The following CCDC158 variants were observed in gnomAD, a reference collection of about 807,000 sequenced individuals.
CCDC158 encodes coiled-coil domain containing 158.
In CCDC158, 116 loss-of-function variants were observed where a neutral mutation model predicts 138.6. The ratio of observed to expected loss-of-function variants is 0.84; its 90% CI spans 0.72 to 0.98. The LOEUF (loss-of-function observed/expected upper bound fraction) is 0.98. Ranked by LOEUF, CCDC158 falls within the 50% of genes least tolerant of loss-of-function variation. CCDC158 has a pLI of 0.00. For missense variants in CCDC158, 1,265 were observed against 1,306.1 expected (o/e 0.97, Z 0.48); for synonymous variants, 436 against 442.4 (o/e 0.99, Z 0.18).
At chr4:76,389,040 A>G (rs550435805) in intron 4 of CCDC158, among the ~76,000 whole-genome samples, 3 of 152,240 alleles carry the variant, frequency 2.0e-5, no homozygotes, top group South Asian at 2.1e-4. Flanking sequence ...ACTAACTTCA[A>G]TGCCCAGACA....
chr4:76,403,730 C>T (rs1472378235), intron 2 of CCDC158, among the ~76,000 whole-genome samples: 1 of 152,170 alleles, frequency 6.6e-6, no homozygotes, highest in Non-Finnish European at 1.5e-5. Flanking sequence ...TTCAAATCTT[C>T]CTCACATCTT....
intron 18 of CCDC158, among the ~76,000 whole-genome samples, chr4:76,340,608 AGAT>A (rs1181084961): frequency 6.6e-6 from 1 of 152,128 alleles, no homozygotes; most frequent in Non-Finnish European, 1.5e-5. Flanking sequence ...GACAGCAACC[AGAT>A]GAGATTAGGG....
chr4:76,362,877 T>C (rs532141645), intron 12 of CCDC158, among the ~76,000 whole-genome samples: 1 of 152,120 alleles, frequency 6.6e-6, no homozygotes, highest in East Asian at 1.9e-4. Flanking sequence ...GTAAGAGAAG[T>C]GGCAAGAATA....
intron 13 of CCDC158, among the ~76,000 whole-genome samples, chr4:76,361,518 C>T (rs60440358): frequency 0.029 from 4,375 of 152,176 alleles, 195 homozygotes; most frequent in African/African-American, 0.097. Flanking sequence ...GCTGAGATCA[C>T]GCCACTGCAC....
chr4:76,380,656 GA>G (rs1464522775), intron 8 of CCDC158, among the ~76,000 whole-genome samples: 1 of 152,182 alleles, frequency 6.6e-6, no homozygotes, highest in Non-Finnish European at 1.5e-5. Flanking sequence ...TGGTAGAAAA[GA>G]AAAACCCATT....
chr4:76,351,112 C>G lies in CCDC158; in HGVS notation c.2548G>C (p.Gly850Arg). The G allele has an allele frequency of 6.2e-7, 1 of 1,611,378 alleles. No individual in the cohort carries two copies. The highest frequency in any genetic ancestry group is 1.1e-5 in the South Asian group (1 of 90,738). Residue 850 changes from glycine to arginine, a missense_variant, in exon 18 of 25, where the codon GGC (glycine) becomes CGC (arginine). Physicochemically the swap from Gly to Arg is moderately radical, Grantham distance 125 (BLOSUM62 -2). Transcript: ENST00000682701. ...GAAGAATTTGAGGTGTATCCAGGGC[C>G]CTGAAGTTCCTGGAAAACAATATAG... is the stretch of plus-strand genomic sequence containing the variant. ...QHTLDIKELQGPGYTSNSSLK... is the reference protein window; with the variant it reads ...QHTLDIKELQRPGYTSNSSLK...
rs149532091 is a variant in CCDC158, at chr4:76,339,772, G to A, written c.2665-5605C>T. On this transcript the variant is annotated intron_variant, in intron 18 of 24. Coordinates refer to ENST00000682701, the MANE Select transcript of CCDC158 (RefSeq NM_001394954.1). ...GAGTTTATGCACTGTGTCTTCCATA[G>A]AGAGATGCTGGCTAGCTGAAAAATG... Among the ~76,000 whole-genome samples the A allele has an allele frequency of 2.9e-3, 436 of 152,316 alleles. 2 individuals are homozygous for A. The highest frequency in any genetic ancestry group is 9.4e-3 in the African/African-American group (391 of 41,570).
chr4:76,415,345 G>A (rs1171487819), intron 1 of CCDC158, among the ~76,000 whole-genome samples: 1 of 152,076 alleles, frequency 6.6e-6, no homozygotes. Flanking sequence ...GGGAAGCAGA[G>A]CATAAAAGTT....
Position 76,331,326 on chromosome 4 carries a change from G to A in CCDC158, c.2942+18C>T, listed in dbSNP as rs557849729. 71 of 1,608,372 alleles carry A rather than the reference G, an allele frequency of 4.4e-5. No homozygotes were observed. In the South Asian group the frequency reaches 7.3e-4, roughly 16 times the overall value. ...TCGTAAAAGGGACATTTTGAAAATG[G>A]GGGCTGGTATTTCCTACCTACTAAG... On this transcript the variant is annotated intron_variant, in intron 21 of 24. Transcript: ENST00000682701.
chr4:76,321,857 C>T (rs1720047631), intron 24 of CCDC158, among the ~76,000 whole-genome samples: 1 of 149,876 alleles, frequency 6.7e-6, no homozygotes, highest in African/African-American at 2.4e-5. Context: ...GCATTTGTAG[C>T]AACCTGCATG....
At chr4:76,368,913 T>C (rs1214373478) in intron 11 of CCDC158, among the ~76,000 whole-genome samples, 1 of 152,158 alleles carries the variant, frequency 6.6e-6, no homozygotes, top group East Asian at 1.9e-4. Flanking sequence ...ACACATTTAG[T>C]TTAATTAGTG....
intron 1 of CCDC158, among the ~76,000 whole-genome samples, chr4:76,418,177 G>A (rs549790669): frequency 6.6e-6 from 1 of 152,298 alleles, no homozygotes; most frequent in South Asian, 2.1e-4. Flanking sequence ...AGAAGCTGGG[G>A]CTAGCTATAA....
At chr4:76,355,799 G>T (rs543311856) in intron 14 of CCDC158, among the ~76,000 whole-genome samples, 412 of 2,146 alleles carry the variant, frequency 0.19, 2 homozygotes, top group Admixed American at 0.38. Flanking sequence ...ATATATGTAC[G>T]TGTGTGTGTG....
chr4:76,327,715 C>T (rs978848573), intron 22 of CCDC158, among the ~76,000 whole-genome samples: 1 of 152,202 alleles, frequency 6.6e-6, no homozygotes, highest in Non-Finnish European at 1.5e-5. Flanking sequence ...CAGCACATGA[C>T]TGTATATTGA....
intron 9 of CCDC158, among the ~76,000 whole-genome samples, chr4:76,371,890 A>T (rs1323998973): frequency 6.6e-6 from 1 of 150,646 alleles, no homozygotes; most frequent in Non-Finnish European, 1.5e-5. Flanking sequence ...GTGAGTCAAG[A>T]TCGTGCCATT....
intron 22 of CCDC158, among the ~76,000 whole-genome samples, chr4:76,326,703 A>C (rs891997873): frequency 3.3e-5 from 5 of 152,222 alleles, no homozygotes; most frequent in African/African-American, 1.2e-4. Context: ...ACTTCTTAGT[A>C]GAAACAATGA....
intron 2 of CCDC158, among the ~76,000 whole-genome samples, chr4:76,408,487 T>G (rs1239009725): frequency 6.6e-6 from 1 of 152,186 alleles, no homozygotes; most frequent in East Asian, 1.9e-4. Flanking sequence ...GTTTCCAGCT[T>G]CATCCACGTC....
chr4:76,378,996 C>T (rs1214888259), intron 9 of CCDC158, among the ~76,000 whole-genome samples: 1 of 151,968 alleles, frequency 6.6e-6, no homozygotes, highest in African/African-American at 2.4e-5. Flanking sequence ...GAAGTATTTG[C>T]TAAAGTTTAG....
rs545225492 is a variant in CCDC158, at chr4:76,352,021, G to A, written c.2446-209C>T. On this transcript the variant is annotated intron_variant, in intron 16 of 24. Transcript: ENST00000682701. Reference sequence around the variant, plus strand: ...TATCCTCTATACCCCCAGCAAATACGTAACTTTTAGTATGTGAAGGGCAAA... The same window carrying A: ...TATCCTCTATACCCCCAGCAAATACATAACTTTTAGTATGTGAAGGGCAAA... 337 of 424,488 alleles carry A rather than the reference G, an allele frequency of 7.9e-4. 1 individual carries two copies. The highest frequency in any genetic ancestry group is 7.4e-3 in the Middle Eastern group (12 of 1,614). 26.3% of individuals were successfully genotyped at this position (424,488 alleles called of 1,614,324 possible).
Sources: allele counts gnomAD v4.1 joint callset (sites outside exome capture counted in the v4.1 genomes callset), GRCh38; gene constraint gnomAD v4.1.1; transcripts MANE v1.5; gene names NCBI Gene and HGNC (gene_info 2026-07-23, HGNC 2026-07-21).